The following SOX5 variants were observed in gnomAD, a reference collection of about 807,000 sequenced individuals.
The protein encoded by SOX5 is SRY-box transcription factor 5, also known as transcription factor SOX-5.
SOX5 carries 9 observed loss-of-function variants against 92.0 expected under a neutral mutation model. That is an observed-to-expected ratio of 0.10 (90% confidence interval 0.06 to 0.17). The LOEUF is 0.17. SOX5 is among the 10% of genes least tolerant of loss of function. The pLI is 1.00. For missense variants in SOX5, 642 were observed against 944.5 expected (o/e 0.68, Z 4.20); for synonymous variants, 344 against 336.3 (o/e 1.02, Z -0.25).
intron 3 of SOX5, among the ~76,000 whole-genome samples, chr12:23,770,732 G>T (rs2094905454): frequency 6.6e-6 from 1 of 152,174 alleles, no homozygotes; most frequent in African/African-American, 2.4e-5. Context: ...GCTTGTTAAA[G>T]ATTCCTTTAT....
chr12:23,726,628 T>C (rs2093149505), intron 6 of SOX5, among the ~76,000 whole-genome samples: 1 of 152,162 alleles, frequency 6.6e-6, no homozygotes, highest in African/African-American at 2.4e-5. Flanking sequence ...ATATAAGCAA[T>C]GATAGTCCCT....
At chr12:24,105,594 C>T (rs945423370) in intron 4 of SOX5, among the ~76,000 whole-genome samples, 4 of 152,114 alleles carry the variant, frequency 2.6e-5, no homozygotes, top group African/African-American at 9.7e-5. Context: ...CTTTTCAGGA[C>T]ATTTCAATGA....
intron 13 of SOX5, among the ~76,000 whole-genome samples, chr12:23,542,920 C>A (rs1174285975): frequency 6.6e-6 from 1 of 152,064 alleles, no homozygotes; most frequent in African/African-American, 2.4e-5. Flanking sequence ...CATGTGAAAG[C>A]AACTTTTTTC....
At chr12:23,624,951 A>C (rs973089128) in intron 8 of SOX5, among the ~76,000 whole-genome samples, 2 of 152,182 alleles carry the variant, frequency 1.3e-5, no homozygotes, top group African/African-American at 4.8e-5. Context: ...ACCATTTTAG[A>C]TTATAAAGGT....
chr12:23,703,406 T>C (rs2090939682), intron 6 of SOX5, among the ~76,000 whole-genome samples: 1 of 152,020 alleles, frequency 6.6e-6, no homozygotes, highest in African/African-American at 2.4e-5. Context: ...AGAACAATAC[T>C]TTCTTGGAAA....
chr12:23,608,115 G>GAAAA (rs772255622), intron 8 of SOX5, among the ~76,000 whole-genome samples: 13 of 44,064 alleles, frequency 3.0e-4, no homozygotes, highest in African/African-American at 6.2e-4. Flanking sequence ...AAAGAAAAAA[G>GAAAA]AAAAAAAAAA....
chr12:24,109,935 A>G (rs1947124446), intron 4 of SOX5, among the ~76,000 whole-genome samples: 1 of 152,204 alleles, frequency 6.6e-6, no homozygotes, highest in Non-Finnish European at 1.5e-5. Flanking sequence ...ATAGCCATTA[A>G]ATTTACTTTA....
At chr12:23,931,327 AC>A (rs1481181997) in intron 1 of SOX5, among the ~76,000 whole-genome samples, 1 of 151,798 alleles carries the variant, frequency 6.6e-6, no homozygotes, top group Non-Finnish European at 1.5e-5. Context: ...AAACCATTTT[AC>A]ATATGAGGAA....
In SOX5 at chr12:23,625,129, TAAAC is replaced by T. The variant is rs769333168; in HGVS notation, c.1017+15679_1017+15682del. On this transcript the variant is annotated intron_variant, in intron 8 of 14. Coordinates refer to ENST00000451604, the MANE Select transcript of SOX5 (RefSeq NM_006940.6). ...ATATAACGTAATGATAGTAGACTCT[TAAAC>T]AAACAAAGTGTAAAGCAATTCTTTC... 1.1e-4 allele frequency among the ~76,000 whole-genome samples: 17 copies of T among 152,186 alleles called. No individual in the cohort carries two copies. The South Asian group carries it at 1.5e-3, about 13-fold the overall frequency.
intron 1 of SOX5, among the ~76,000 whole-genome samples, chr12:24,399,995 A>C (rs1961125898): frequency 6.6e-6 from 1 of 152,204 alleles, no homozygotes; most frequent in Non-Finnish European, 1.5e-5. Flanking sequence ...TTCTACTTTA[A>C]TTATCTTTGA....
At chr12:23,766,658 T>C (rs2094736462) in intron 3 of SOX5, among the ~76,000 whole-genome samples, 1 of 152,072 alleles carries the variant, frequency 6.6e-6, no homozygotes, top group Non-Finnish European at 1.5e-5. Context: ...GTTAAAAGAA[T>C]TTTACTAACA....
intron 1 of SOX5, among the ~76,000 whole-genome samples, chr12:24,526,863 A>C (rs1053433773): frequency 1.3e-5 from 2 of 151,164 alleles, no homozygotes; most frequent in Non-Finnish European, 3.0e-5. Context: ...TGTTGCCTAG[A>C]CTGGAGTGCA....
chr12:24,337,164 T>C (rs1053713957), intron 2 of SOX5, among the ~76,000 whole-genome samples: 2 of 152,154 alleles, frequency 1.3e-5, no homozygotes, highest in Middle Eastern at 3.2e-3. Context: ...GAGTAGTGTC[T>C]CCTGAGAGAA....
intron 1 of SOX5, among the ~76,000 whole-genome samples, chr12:24,524,111 C>T (rs2138529997): frequency 6.6e-6 from 1 of 152,268 alleles, no homozygotes; most frequent in South Asian, 2.1e-4. Flanking sequence ...AGTCAGTGGA[C>T]AGAGTGGGGA....
chr12:24,126,178 G>T (rs1038197515), intron 4 of SOX5, among the ~76,000 whole-genome samples: 3 of 152,110 alleles, frequency 2.0e-5, no homozygotes, highest in African/African-American at 7.2e-5. Context: ...TTAATTCCCT[G>T]TATAATCATA....
intron 4 of SOX5, chr12:24,212,329 T>C (rs1958709259): frequency 2.0e-6 from 1 of 507,654 alleles, no homozygotes; most frequent in East Asian, 5.5e-5. Flanking sequence ...TTAGTTCCTT[T>C]AGGAGTAAGT....
At chr12:24,367,079 A>C (rs984787255) in intron 2 of SOX5, among the ~76,000 whole-genome samples, 5 of 152,192 alleles carry the variant, frequency 3.3e-5, no homozygotes, top group Non-Finnish European at 5.9e-5. Flanking sequence ...TATCTTTAGC[A>C]GATATTAGTA....
rs1054095594 is a variant in SOX5, at chr12:23,715,161, C to A, written c.810+19523G>T. Among the ~76,000 whole-genome samples the A allele has an allele frequency of 6.6e-5, 10 of 151,844 alleles. No homozygotes were observed. In the South Asian group the frequency reaches 8.3e-4, roughly 13 times the overall value. On this transcript the variant is annotated intron_variant, in intron 6 of 14. Coordinates refer to ENST00000451604, the MANE Select transcript of SOX5 (RefSeq NM_006940.6). Reference sequence around the variant, plus strand: ...AAAAATGCAAAAAATTAGCCGGGTGCGATGGCGGGCGCCTGTAGTCCCAGC... The same window carrying A: ...AAAAATGCAAAAAATTAGCCGGGTGAGATGGCGGGCGCCTGTAGTCCCAGC...
chr12:24,119,944 G>T (rs1258768483), intron 4 of SOX5, among the ~76,000 whole-genome samples: 1 of 152,106 alleles, frequency 6.6e-6, no homozygotes, highest in African/African-American at 2.4e-5. Flanking sequence ...TTTGTGTTTG[G>T]CTCATGCACT....
Sources: allele counts gnomAD v4.1 joint callset (sites outside exome capture counted in the v4.1 genomes callset), GRCh38; gene constraint gnomAD v4.1.1; transcripts MANE v1.5; gene names NCBI Gene and HGNC (gene_info 2026-07-23, HGNC 2026-07-21).